The following DPF3 variants were observed in gnomAD, a reference collection of about 807,000 sequenced individuals.
DPF3 encodes zinc finger protein DPF3.
Under a neutral mutation model 56.8 loss-of-function variants are expected in DPF3, and 18 were observed. The observed-to-expected ratio is 0.32, with a 90% confidence interval of 0.22 to 0.47. DPF3 has a LOEUF of 0.47. Ranked by LOEUF, DPF3 falls within the 20% of genes least tolerant of loss-of-function variation. The pLI, the probability that DPF3 is intolerant of heterozygous loss-of-function variation, is 1.00. For missense variants in DPF3, 403 were observed against 488.8 expected (o/e 0.82, Z 1.65); for synonymous variants, 188 against 180.2 (o/e 1.04, Z -0.35).
intron 3 of DPF3, among the ~76,000 whole-genome samples, chr14:72,741,873 G>A (rs902746094): frequency 9.2e-5 from 14 of 152,218 alleles, no homozygotes; most frequent in African/African-American, 3.4e-4. Flanking sequence ...AGGTCCCACT[G>A]CAAAACATGA....
At chr14:72,702,310 T>C (rs1396216422) in intron 6 of DPF3, among the ~76,000 whole-genome samples, 1 of 152,090 alleles carries the variant, frequency 6.6e-6, no homozygotes, top group East Asian at 1.9e-4. Context: ...GGCCCTGCCC[T>C]GCCTGGGCAC....
At chr14:72,857,402 C>G in intron 1 of DPF3, among the ~76,000 whole-genome samples, 1 of 152,174 alleles carries the variant, frequency 6.6e-6, no homozygotes, top group Non-Finnish European at 1.5e-5. Flanking sequence ...CCATCTGCAA[C>G]TAGGAACTGG....
rs144527058 is a variant in DPF3, at chr14:72,689,214, T to C, written c.742+3862A>G. 7.6e-3 allele frequency among the ~76,000 whole-genome samples: 1,150 copies of C among 152,164 alleles called. 22 individuals are homozygous for C. Among genetic ancestry groups the C allele is most frequent in the African/African-American group, 0.027 (1,105 of 41,510 alleles). On this transcript the variant is annotated intron_variant, in intron 7 of 10. Transcript: ENST00000556509. ...TGCTGAAGACAAAGCTGGGGGGCGA[T>C]AGAGCAAGCGACAGCAGGAGGACCA...
intron 2 of DPF3, among the ~76,000 whole-genome samples, chr14:72,767,842 A>C (rs1224407475): frequency 6.6e-6 from 1 of 151,808 alleles, no homozygotes; most frequent in Non-Finnish European, 1.5e-5. Context: ...CAAAAAATCT[A>C]TGGCAAAACA....
intron 4 of DPF3, among the ~76,000 whole-genome samples, chr14:72,725,761 G>A (rs544010226): frequency 6.6e-6 from 1 of 152,220 alleles, no homozygotes; most frequent in Non-Finnish European, 1.5e-5. Context: ...CTCAAAGCAG[G>A]AAGCCCGGGG....
chr14:72,799,482 T>C (rs958082334), intron 1 of DPF3, among the ~76,000 whole-genome samples: 3 of 152,038 alleles, frequency 2.0e-5, no homozygotes, highest in African/African-American at 7.2e-5. Context: ...CTGGGTAACA[T>C]AGTGAGACCT....
At chr14:72,797,941 G>A (rs1773501434) in intron 1 of DPF3, among the ~76,000 whole-genome samples, 1 of 152,114 alleles carries the variant, frequency 6.6e-6, no homozygotes, top group South Asian at 2.1e-4. Context: ...GGAAGGCTCT[G>A]AGCACTTTTT....
intron 6 of DPF3, among the ~76,000 whole-genome samples, chr14:72,704,805 T>A (rs2153574539): frequency 6.6e-6 from 1 of 152,320 alleles, no homozygotes; most frequent in Admixed American, 6.5e-5. Context: ...CTCCACATCC[T>A]GTCCATCATC....
At chr14:72,765,867 T>C (rs1891263370) in intron 2 of DPF3, among the ~76,000 whole-genome samples, 1 of 152,010 alleles carries the variant, frequency 6.6e-6, no homozygotes, top group Admixed American at 6.6e-5. Context: ...TGAGCAGAGA[T>C]TGCGCCACTG....
At position 72,618,766 on chromosome 14, in the gene DPF3, G is replaced by A. The variant is rs545763941; in HGVS notation, c.*531C>T. Reference sequence around the variant, plus strand: ...TCCACAGACACCAAGGAACAAGAAAGGGTTTCAAGACCCCAAGTCTAGAAG... The same window carrying A: ...TCCACAGACACCAAGGAACAAGAAAAGGTTTCAAGACCCCAAGTCTAGAAG... On this transcript the variant is annotated 3_prime_UTR_variant, in exon 11 of 11. Transcript: ENST00000556509. Among the ~76,000 whole-genome samples, 1 of 152,240 alleles carries A rather than the reference G, an allele frequency of 6.6e-6. No individual in the cohort carries two copies. The highest frequency in any genetic ancestry group is 1.9e-4 in the East Asian group (1 of 5,184).
At chr14:72,836,073 G>A (rs2140059914) in intron 1 of DPF3, 1 of 985,478 alleles carries the variant, frequency 1.0e-6, no homozygotes, top group Non-Finnish European at 1.2e-6. Flanking sequence ...TTTGAAATTA[G>A]CACAACTTAC....
chr14:72,809,232 C>A (rs1263338552), intron 1 of DPF3, among the ~76,000 whole-genome samples: 5 of 152,224 alleles, frequency 3.3e-5, no homozygotes, highest in African/African-American at 4.8e-5. Flanking sequence ...CTAAATAAAT[C>A]TCTTTTCTTT....
chr14:72,700,232 G>A (rs1260657881), intron 6 of DPF3, among the ~76,000 whole-genome samples: 1 of 152,132 alleles, frequency 6.6e-6, no homozygotes, highest in Non-Finnish European at 1.5e-5. Context: ...TCCTGTCACT[G>A]CAAACACCAT....
chr14:72,888,187 G>A (rs965214964), intron 1 of DPF3, among the ~76,000 whole-genome samples: 1 of 151,976 alleles, frequency 6.6e-6, no homozygotes, highest in African/African-American at 2.4e-5. Context: ...TCCACACATT[G>A]CCCCTAAATT....
intron 7 of DPF3, among the ~76,000 whole-genome samples, chr14:72,681,953 G>A (rs1404158727): frequency 3.3e-5 from 5 of 152,196 alleles, no homozygotes; most frequent in Admixed American, 6.5e-5. Flanking sequence ...GCTGGCTCAC[G>A]CCTGTAATCC....
In DPF3 at chr14:72,771,703, T is replaced by C. The variant is rs373876063; in HGVS notation, c.193+30A>G. 8 of 1,593,858 alleles carry C rather than the reference T, an allele frequency of 5.0e-6. No individual in the cohort carries two copies. In the African/African-American group the frequency reaches 8.1e-5, roughly 16 times the overall value. On this transcript the variant is annotated intron_variant, in intron 2 of 10. Transcript: ENST00000556509. Reference sequence around the variant, plus strand: ...TCCCTCCAGGCTGGGAGCCTGCACATGCGCATGTCCCAGGAGTGGCGCAGC... The same window carrying C: ...TCCCTCCAGGCTGGGAGCCTGCACACGCGCATGTCCCAGGAGTGGCGCAGC...
At chr14:72,658,036 A>G (rs1012646450) in intron 8 of DPF3, among the ~76,000 whole-genome samples, 2 of 152,242 alleles carry the variant, frequency 1.3e-5, no homozygotes, top group African/African-American at 4.8e-5. Flanking sequence ...ACTCTCTTAC[A>G]AAGTATACTC....
chr14:72,694,365 C>G (rs144379211), intron 6 of DPF3, among the ~76,000 whole-genome samples: 146 of 152,312 alleles, frequency 9.6e-4, no homozygotes, highest in African/African-American at 3.2e-3. Flanking sequence ...AAGACTTCTC[C>G]CTTGTGCTGA....
chr14:72,812,975 C>G (rs1883125206), intron 1 of DPF3, among the ~76,000 whole-genome samples: 1 of 152,084 alleles, frequency 6.6e-6, no homozygotes, highest in Non-Finnish European at 1.5e-5. Flanking sequence ...CAGGCAGGGT[C>G]CCCTCTGGTT....
Sources: gnomAD v4.1 joint callset for allele counts (sites outside exome capture counted in the v4.1 genomes callset) on GRCh38, gnomAD v4.1.1 for gene constraint, MANE v1.5 for transcripts, NCBI Gene and HGNC (gene_info 2026-07-23, HGNC 2026-07-21) for gene names.